The following APP variants were observed in gnomAD, a reference collection of about 807,000 sequenced individuals.
The protein encoded by APP is amyloid-beta precursor protein.
Under a neutral mutation model 101.4 loss-of-function variants are expected in APP, and 31 were observed. The observed-to-expected ratio is 0.31, with a 90% CI of 0.23 to 0.41. The LOEUF is 0.41. Ranked by LOEUF, APP falls within the 10% of genes least tolerant of loss-of-function variation. APP has a pLI of 1.00. For missense variants in APP, 839 were observed against 1,003.7 expected (o/e 0.84, Z 2.22); for synonymous variants, 366 against 364.4 (o/e 1.00, Z -0.05).
chr21:26,034,362 C>T (rs1208817392), intron 5 of APP, among the ~76,000 whole-genome samples: 4 of 152,184 alleles, frequency 2.6e-5, no homozygotes, highest in South Asian at 2.1e-4. Context: ...AATCTACTAT[C>T]GGCCAGGCAC....
At chr21:25,941,907 A>G (rs2040593071) in intron 13 of APP, 1 of 152,228 alleles carries the variant, frequency 6.6e-6, no homozygotes, top group African/African-American at 2.4e-5. Context: ...GACCTGGCTG[A>G]GAATTATTAT....
chr21:25,935,486 T>G (rs2040320982), intron 13 of APP, among the ~76,000 whole-genome samples: 1 of 152,126 alleles, frequency 6.6e-6, no homozygotes, highest in African/African-American at 2.4e-5. Flanking sequence ...CACACTATAC[T>G]TTGTTATACT....
rs143649046 is a variant in APP, at chr21:26,149,368, C to G, written c.57+21196G>C. ...GAAAAGAAAAAATTAAGTGAAAGCA[C>G]TTTTCAACAAGGCCTGGTTCATAGA... On this transcript the variant is annotated intron_variant, in intron 1 of 17. Transcript: ENST00000346798. Among the ~76,000 whole-genome samples, 4 of 152,352 alleles carry G rather than the reference C, an allele frequency of 2.6e-5. No individual in the cohort carries two copies. In the East Asian group the frequency reaches 7.7e-4, roughly 29 times the overall value.
At chr21:26,153,812 G>T (rs144353936) in intron 1 of APP, among the ~76,000 whole-genome samples, 202 of 152,272 alleles carry the variant, frequency 1.3e-3, no homozygotes, top group Non-Finnish European at 2.0e-3. Flanking sequence ...AAAACTTTAA[G>T]TTTAATTAAA....
At chr21:25,885,132 A>C (rs1484241820) in intron 17 of APP, among the ~76,000 whole-genome samples, 1 of 152,264 alleles carries the variant, frequency 6.6e-6, no homozygotes, top group Admixed American at 6.5e-5. Context: ...AGAAGGGATT[A>C]TCTTGACAAA....
Position 25,911,825 on chromosome 21 carries a change from C to A in APP, c.1825G>T (p.Val609Leu), listed in dbSNP as rs541374184. 3 of 1,614,168 alleles carry A rather than the reference C, an allele frequency of 1.9e-6. No individual in the cohort carries two copies. Among genetic ancestry groups the A allele is most frequent in the Non-Finnish European group, 2.5e-6 (3 of 1,180,038 alleles). ...TCGTCCAGGCTGAACTCTCCATTCA[C>A]GGGAAGGAGCTCCACGGTGGTTTTC... ...ETKTTVELLP[V>L]NGEFSLDDLQ... Residue 609 changes from valine to leucine, a missense_variant, in exon 14 of 18, where the codon GTG (valine) becomes TTG (leucine). Val to Leu is a conservative substitution (Grantham distance 32). Transcript: ENST00000346798.
intron 16 of APP, among the ~76,000 whole-genome samples, chr21:25,894,969 C>G (rs2037935452): frequency 6.6e-6 from 1 of 152,150 alleles, no homozygotes; most frequent in African/African-American, 2.4e-5. Flanking sequence ...CAGCAGCCAC[C>G]ACCTGGATTA....
At chr21:25,981,615 A>G (rs1292556468) in intron 9 of APP, among the ~76,000 whole-genome samples, 2 of 151,988 alleles carry the variant, frequency 1.3e-5, no homozygotes, top group Non-Finnish European at 2.9e-5. Context: ...ATTGTAGTTG[A>G]TAGTATATAT....
chr21:25,888,981 C>T lies in APP; in HGVS notation c.2211+2741G>A, dbSNP rs117496511. On this transcript the variant is annotated intron_variant, in intron 17 of 17. Transcript: ENST00000346798. ...TTTTCAACACTCAGATTCGCAGCCT[C>T]CTATTTGGGGATTCTTTTTCCTTAG... Among the ~76,000 whole-genome samples, 622 of 152,228 alleles carry T rather than the reference C, an allele frequency of 4.1e-3. 4 individuals carry two copies. The highest frequency in any genetic ancestry group is 0.024 in the Middle Eastern group (7 of 294).
At chr21:26,060,753 A>C (rs2046237477) in intron 3 of APP, among the ~76,000 whole-genome samples, 2 of 152,316 alleles carry the variant, frequency 1.3e-5, no homozygotes, top group African/African-American at 4.8e-5. Context: ...AAAGGGAAGA[A>C]TATTCTAGCC....
chr21:25,883,754 G>A (rs962899646), intron 17 of APP, among the ~76,000 whole-genome samples: 3 of 152,138 alleles, frequency 2.0e-5, no homozygotes, highest in African/African-American at 4.8e-5. Flanking sequence ...TGGTCCCTTC[G>A]GATAGCCCCA....
chr21:26,150,241 G>C (rs760518572), intron 1 of APP, among the ~76,000 whole-genome samples: 1 of 152,144 alleles, frequency 6.6e-6, no homozygotes, highest in Non-Finnish European at 1.5e-5. Context: ...TCCAGGGGAA[G>C]TGTGGTAAGG....
chr21:26,112,539 A>G (rs929837216), intron 1 of APP, among the ~76,000 whole-genome samples: 7 of 152,234 alleles, frequency 4.6e-5, no homozygotes. Context: ...TGACTCACAC[A>G]GAGCATGATG....
intron 5 of APP, among the ~76,000 whole-genome samples, chr21:26,043,957 T>A (rs1377402693): frequency 6.6e-6 from 1 of 152,230 alleles, no homozygotes; most frequent in Non-Finnish European, 1.5e-5. Context: ...TATATTGTGT[T>A]CCTATGTTAC....
At chr21:26,096,488 T>G (rs1426839751) in intron 2 of APP, among the ~76,000 whole-genome samples, 3 of 152,190 alleles carry the variant, frequency 2.0e-5, no homozygotes, top group Admixed American at 6.5e-5. Context: ...CTATAGCTTA[T>G]TAGAGCCCAA....
At chr21:25,940,800 A>C (rs73899720) in intron 13 of APP, among the ~76,000 whole-genome samples, 2,869 of 152,290 alleles carry the variant, frequency 0.019, 96 homozygotes, top group African/African-American at 0.066. Context: ...AGTAATTCGC[A>C]AAGTTTAGCA....
chr21:26,110,711 G>A (rs888745156), intron 2 of APP, among the ~76,000 whole-genome samples: 2 of 151,758 alleles, frequency 1.3e-5, no homozygotes, highest in Non-Finnish European at 2.9e-5. Context: ...AAAATAAAAG[G>A]ATCTCAATAG....
chr21:25,918,253 C>G (rs1174340013), intron 13 of APP, among the ~76,000 whole-genome samples: 3 of 152,168 alleles, frequency 2.0e-5, no homozygotes, highest in Non-Finnish European at 4.4e-5. Context: ...GCACTATTTA[C>G]AATAGCAAAG....
intron 5 of APP, among the ~76,000 whole-genome samples, chr21:26,037,783 A>G (rs904427762): frequency 6.6e-6 from 1 of 152,218 alleles, no homozygotes; most frequent in Non-Finnish European, 1.5e-5. Context: ...CAATTTTCCA[A>G]TAATAGTAGC....
Sources: allele counts gnomAD v4.1 joint callset (sites outside exome capture counted in the v4.1 genomes callset), GRCh38; gene constraint gnomAD v4.1.1; transcripts MANE v1.5; gene names NCBI Gene and HGNC (gene_info 2026-07-23, HGNC 2026-07-21).